The following KIAA2012 variants were observed in gnomAD, a reference collection of about 807,000 sequenced individuals.
KIAA2012 encodes uncharacterized protein KIAA2012.
In KIAA2012, 125 loss-of-function variants were observed where a neutral mutation model predicts 150.6. The observed-to-expected ratio is 0.83, with a 90% confidence interval of 0.72 to 0.96. The LOEUF (loss-of-function observed/expected upper bound fraction) is 0.96, where lower values mean the gene tolerates loss of function less well. KIAA2012 is among the 40% of genes least tolerant of loss of function. KIAA2012 has a pLI of 0.00. For synonymous variants in KIAA2012, 462 were observed against 504.7 expected, an observed-to-expected ratio of 0.92 and a Z score of 1.13; for missense variants, 1,219 against 1,354.9, an observed-to-expected ratio of 0.90 and a Z score of 1.57.
rs1689715045 is a variant in KIAA2012, at chr2:202,091,378, C to A, written c.529+449C>A. Among the ~76,000 whole-genome samples the A allele has an allele frequency of 1.3e-5, 2 of 152,172 alleles. 1 individual carries two copies. The highest frequency in any genetic ancestry group is 4.1e-4 in the South Asian group (2 of 4,820). On this transcript the variant is annotated intron_variant, in intron 3 of 23. Coordinates refer to ENST00000498697, the MANE Select transcript of KIAA2012 (RefSeq NM_001277372.4). ...CACCTCCACAGTTCCACATTCTTCC[C>A]AACATTCCTTAGTACCCCATCTGAG...
chr2:202,101,590 A>C (rs1690045800), intron 7 of KIAA2012, among the ~76,000 whole-genome samples: 1 of 152,242 alleles, frequency 6.6e-6, no homozygotes, highest in South Asian at 2.1e-4. Flanking sequence ...TAAGTTTTTA[A>C]TTAGGATAAA....
intron 12 of KIAA2012, among the ~76,000 whole-genome samples, chr2:202,135,312 T>C (rs961751206): frequency 1.3e-5 from 2 of 152,244 alleles, no homozygotes; most frequent in African/African-American, 4.8e-5. Context: ...GTATACACTG[T>C]AAAAACTGGA....
chr2:202,090,871 C>A lies in KIAA2012; in HGVS notation c.471C>A (p.Tyr157Ter). 6.4e-7 allele frequency: 1 copy of A among 1,550,548 alleles called. No individual in the cohort carries two copies. Among genetic ancestry groups the A allele is most frequent in the Non-Finnish European group, 8.7e-7 (1 of 1,146,930 alleles). The change falls in exon 3 of 24, where the codon TAC becomes TAA. Residue 157 changes from tyrosine (Y) to a stop codon, truncating the protein, a stop_gained. Coordinates refer to ENST00000498697, the MANE Select transcript of KIAA2012 (RefSeq NM_001277372.4). LOFTEE classifies it high-confidence loss of function. ...AGCCAGGGCATTCAGCCAAGAGATACCTCCGAGGCCTCCTGCGGACTTGGC... is the reference window on the plus strand; with the variant it reads ...AGCCAGGGCATTCAGCCAAGAGATAACTCCGAGGCCTCCTGCGGACTTGGC... ...QIQPGHSAKR[Y>*]LRGLLRTWPP...
intron 2 of KIAA2012, among the ~76,000 whole-genome samples, chr2:202,078,038 G>C (rs993881267): frequency 6.6e-6 from 1 of 152,128 alleles, no homozygotes; most frequent in Non-Finnish European, 1.5e-5. Flanking sequence ...GCCTAAAAGG[G>C]GCTGATACCT....
At position 202,104,604 on chromosome 2, in the gene KIAA2012, T is replaced by C. The variant is rs957336772; in HGVS notation, c.1325-1157T>C. Among the ~76,000 whole-genome samples, 5 of 152,244 alleles carry C rather than the reference T, an allele frequency of 3.3e-5. No homozygotes were observed. The highest frequency in any genetic ancestry group is 7.3e-5 in the Non-Finnish European group (5 of 68,046). On this transcript the variant is annotated intron_variant, in intron 8 of 23. Coordinates refer to ENST00000498697, the MANE Select transcript of KIAA2012 (RefSeq NM_001277372.4). The surrounding 1 kb of genome is among the most constrained non-coding windows in gnomAD (Gnocchi z 4.3). ...GAATAATTCAGCCAGCTCTGCAGCA[T>C]AGGGGCTATCCCTTGCTGTCTGGTA...
chr2:202,096,320 GGTC>G (rs201408520), intron 4 of KIAA2012, among the ~76,000 whole-genome samples: 4,820 of 152,170 alleles, frequency 0.032, 91 homozygotes, highest in Middle Eastern at 0.075. Context: ...TGTAGCCCTG[GGTC>G]ACCTCATATT....
intron 2 of KIAA2012, among the ~76,000 whole-genome samples, chr2:202,081,543 C>CTTTTT (rs71025274): frequency 8.9e-6 from 1 of 112,752 alleles, no homozygotes; most frequent in East Asian, 2.3e-4. Flanking sequence ...TTTTTAAACA[C>CTTTTT]TTTTTTTTTT....
intron 18 of KIAA2012, 85 bp from the exon 19 acceptor site, chr2:202,190,089 A>G (rs1199553174): frequency 8.7e-7 from 1 of 1,142,906 alleles, no homozygotes; most frequent in Non-Finnish European, 1.2e-6. Flanking sequence ...CCCTGTCTCA[A>G]AAAAAAAAAG....
In KIAA2012 at chr2:202,195,892, G is replaced by GTA. The variant is rs1380841364; in HGVS notation, c.3188-899_3188-898dup. ...TTATGGATAAGTAGTGTTCCATCAT[G>GTA]TATATATATACCACATTTTCTTTAT... is the stretch of plus-strand genomic sequence containing the variant. On this transcript the variant is annotated intron_variant, in intron 21 of 23. Transcript: ENST00000498697. 5.3e-5 allele frequency among the ~76,000 whole-genome samples: 8 copies of GTA among 152,116 alleles called. No homozygotes were observed. The South Asian group carries it at 6.2e-4, about 12-fold the overall frequency.
chr2:202,190,819 G>T (rs1474213945), intron 19 of KIAA2012, among the ~76,000 whole-genome samples: 1 of 152,190 alleles, frequency 6.6e-6, no homozygotes, highest in Non-Finnish European at 1.5e-5. Context: ...ACAGGGAAAG[G>T]TGGGTACTGG....
chr2:202,160,505 G>T (rs1470459132), intron 14 of KIAA2012, among the ~76,000 whole-genome samples: 1 of 151,898 alleles, frequency 6.6e-6, no homozygotes, highest in Non-Finnish European at 1.5e-5. Context: ...AGTACAGACG[G>T]GGTTTTACCA....
intron 22 of KIAA2012, among the ~76,000 whole-genome samples, chr2:202,200,707 CTT>C (rs3068268): frequency 6.4e-5 from 8 of 124,256 alleles, no homozygotes; most frequent in Admixed American, 9.1e-5. Flanking sequence ...AATTTTGGAA[CTT>C]TTTTTTTTTT....
At chr2:202,077,259 T>G (rs985456702) in intron 2 of KIAA2012, among the ~76,000 whole-genome samples, 16 of 152,318 alleles carry the variant, frequency 1.1e-4, no homozygotes, top group African/African-American at 3.6e-4. Context: ...TGTGTTTACT[T>G]AGTTTCTATT....
chr2:202,177,851 C>T (rs573972919), intron 15 of KIAA2012, among the ~76,000 whole-genome samples: 2 of 152,326 alleles, frequency 1.3e-5, no homozygotes, highest in African/African-American at 4.8e-5. Flanking sequence ...ACCATAGTAG[C>T]ATGTGATAAA....
At chr2:202,193,173 G>A in intron 19 of KIAA2012, 128 bp from the exon 20 acceptor site, 2 of 933,752 alleles carry the variant, frequency 2.1e-6, no homozygotes, top group Non-Finnish European at 3.2e-6. Flanking sequence ...ATGCAGCTGT[G>A]GGCAAAGTGT....
chr2:202,200,704 G>A (rs1284518405), intron 22 of KIAA2012, among the ~76,000 whole-genome samples: 2 of 58,950 alleles, frequency 3.4e-5, no homozygotes, highest in Non-Finnish European at 6.6e-5. Flanking sequence ...AATAATTTTG[G>A]AACTTTTTTT....
rs1475744443 is a variant in KIAA2012 at position 202,113,400 on chromosome 2, G to C, written c.1716G>C (p.Leu572=). The change falls in exon 11 of 24, where the codon CTG becomes CTC. Residue 572 remains leucine, a synonymous_variant. Transcript: ENST00000498697. ...GTCCAGATGGAGAAAAAGTCTGCCT[G>C]TCCCTCCCAGGGCATACCCAAACCG... The part of the protein sequence containing the change: ...LLGPDGEKVC[L]SLPGHTQTEA... 2 of 1,550,494 alleles carry C rather than the reference G, an allele frequency of 1.3e-6. No individual in the cohort carries two copies. The highest frequency in any genetic ancestry group is 2.7e-5 in the African/African-American group (2 of 73,106).
At chr2:202,100,969 A>G (rs1210358706) in intron 7 of KIAA2012, among the ~76,000 whole-genome samples, 2 of 152,146 alleles carry the variant, frequency 1.3e-5, no homozygotes, top group African/African-American at 2.4e-5. Context: ...CCTGCCTTGC[A>G]GTTCTATGTG....
intron 13 of KIAA2012, among the ~76,000 whole-genome samples, chr2:202,140,251 A>G (rs1307122372): frequency 6.6e-6 from 1 of 152,222 alleles, no homozygotes; most frequent in Non-Finnish European, 1.5e-5. Flanking sequence ...GAGGGGCTCA[A>G]CCATGTCACA....
Sources: allele counts gnomAD v4.1 joint callset (sites outside exome capture counted in the v4.1 genomes callset), GRCh38; gene constraint gnomAD v4.1.1; non-coding constraint Gnocchi (gnomAD v3.1); transcripts MANE v1.5; gene names NCBI Gene and HGNC (gene_info 2026-07-23, HGNC 2026-07-21).